SHOC2: variants seen among roughly 807,000 people sequenced by gnomAD.
SHOC2 encodes the protein leucine-rich repeat protein SHOC-2.
Under a neutral mutation model 50.2 loss-of-function variants are expected in SHOC2, and 4 were observed. That is an observed-to-expected ratio of 0.08 (90% CI 0.04 to 0.18). The LOEUF (loss-of-function observed/expected upper bound fraction) is 0.18, where lower values mean the gene tolerates loss of function less well. Ranked by LOEUF, SHOC2 falls within the 10% of genes least tolerant of loss-of-function variation. The probability of loss-of-function intolerance (pLI) is 1.00; values close to 1 mark genes in which losing one functional copy is unlikely to be tolerated. For synonymous variants in SHOC2, 218 were observed against 244.5 expected, an observed-to-expected ratio of 0.89 and a Z score of 1.01; for missense variants, 388 against 669.6, an observed-to-expected ratio of 0.58 and a Z score of 4.64.
intron 2 of SHOC2, among the ~76,000 whole-genome samples, chr10:110,975,324 T>C (rs553308260): frequency 6.6e-6 from 1 of 152,124 alleles, no homozygotes; most frequent in African/African-American, 2.4e-5. Context: ...CCCGGCTAAT[T>C]TTTTGTGTTT....
chr10:110,945,650 G>A (rs550671986), intron 1 of SHOC2, among the ~76,000 whole-genome samples: 1 of 152,168 alleles, frequency 6.6e-6, no homozygotes, highest in South Asian at 2.1e-4. Context: ...CACACTGACA[G>A]ACCTCCATGT....
At chr10:110,928,631 T>A (rs934153328) in intron 1 of SHOC2, among the ~76,000 whole-genome samples, 2 of 151,826 alleles carry the variant, frequency 1.3e-5, no homozygotes, top group Non-Finnish European at 2.9e-5. Flanking sequence ...CACAGTAGCT[T>A]ATACCTGTAA....
At chr10:110,926,900 A>C (rs1846787848) in intron 1 of SHOC2, among the ~76,000 whole-genome samples, 1 of 152,208 alleles carries the variant, frequency 6.6e-6, no homozygotes, top group Admixed American at 6.5e-5. Flanking sequence ...ATTATCTGAA[A>C]ATACTGATCA....
At position 110,920,523 on chromosome 10, in the gene SHOC2, TTTTC is replaced by T. The variant is rs576978211; in HGVS notation, c.-235+874_-235+877del. On this transcript the variant is annotated intron_variant, in intron 1 of 8. Transcript: ENST00000369452. ...ATTAACTTGCCTTTCTCTTTATTTC[TTTTC>T]TTTCTTTTTCTTTTCTTCCTTCCTT... Among the ~76,000 whole-genome samples the T allele has an allele frequency of 9.0e-4, 137 of 152,340 alleles. 1 individual carries two copies. Among genetic ancestry groups the T allele is most frequent in the East Asian group, 2.9e-3 (15 of 5,190 alleles).
At chr10:110,929,775 A>G in intron 1 of SHOC2, among the ~76,000 whole-genome samples, 1 of 152,188 alleles carries the variant, frequency 6.6e-6, no homozygotes, top group East Asian at 1.9e-4. Context: ...CCATCTTCAA[A>G]TACCATCACA....
At chr10:110,950,782 A>T (rs191528585) in intron 1 of SHOC2, among the ~76,000 whole-genome samples, 2 of 152,318 alleles carry the variant, frequency 1.3e-5, no homozygotes, top group African/African-American at 4.8e-5. Flanking sequence ...TCTTCAATAA[A>T]TGGTGTTGGA....
At chr10:110,996,513 G>C (rs772333802) in intron 3 of SHOC2, among the ~76,000 whole-genome samples, 2 of 151,514 alleles carry the variant, frequency 1.3e-5, no homozygotes, top group African/African-American at 4.9e-5. Context: ...GGGCGACAGA[G>C]TCAGACTCTG....
At chr10:110,990,106 T>C (rs963843214) in intron 3 of SHOC2, among the ~76,000 whole-genome samples, 2 of 152,274 alleles carry the variant, frequency 1.3e-5, no homozygotes, top group Non-Finnish European at 2.9e-5. Flanking sequence ...TCCAAATTCT[T>C]AGTCTTAGAA....
chr10:110,942,426 C>T (rs866821176), intron 1 of SHOC2, among the ~76,000 whole-genome samples: 1 of 152,174 alleles, frequency 6.6e-6, no homozygotes, highest in African/African-American at 2.4e-5. Flanking sequence ...TAGCTCACTA[C>T]AGCCTCTAAC....
At chr10:110,937,034 A>G (rs746309763) in intron 1 of SHOC2, 8 of 1,485,024 alleles carry the variant, frequency 5.4e-6, no homozygotes, top group South Asian at 1.1e-5. Flanking sequence ...GGGGCGTCGG[A>G]AAGGGTTGGT....
intron 3 of SHOC2, among the ~76,000 whole-genome samples, chr10:110,988,725 T>TTG (rs1848126606): frequency 6.6e-6 from 1 of 152,148 alleles, no homozygotes; most frequent in East Asian, 1.9e-4. Context: ...TGAGTTTTAT[T>TTG]TGTTCTTTTT....
At chr10:110,958,838 C>G (rs1847519432) in intron 1 of SHOC2, among the ~76,000 whole-genome samples, 1 of 152,026 alleles carries the variant, frequency 6.6e-6, no homozygotes, top group African/African-American at 2.4e-5. Flanking sequence ...CTGTTCATCC[C>G]CAACTGCTTT....
intron 1 of SHOC2, among the ~76,000 whole-genome samples, chr10:110,930,423 T>A (rs1252047874): frequency 1.3e-5 from 2 of 152,246 alleles, no homozygotes; most frequent in East Asian, 3.9e-4. Flanking sequence ...ATAGACTTAG[T>A]GAAGAAATAT....
intron 2 of SHOC2, among the ~76,000 whole-genome samples, chr10:110,984,626 T>C (rs939314592): frequency 3.9e-5 from 6 of 152,188 alleles, no homozygotes; most frequent in African/African-American, 1.4e-4. Flanking sequence ...CCTTAAAAAA[T>C]AATAATAAAT....
chr10:110,966,895 G>A (rs1297928742), intron 2 of SHOC2, among the ~76,000 whole-genome samples: 1 of 152,076 alleles, frequency 6.6e-6, no homozygotes, highest in East Asian at 1.9e-4. Context: ...TTCATTCTAA[G>A]CAGGGCATCA....
intron 1 of SHOC2, among the ~76,000 whole-genome samples, chr10:110,954,197 AT>A (rs1298057645): frequency 6.6e-6 from 1 of 151,736 alleles, no homozygotes; most frequent in African/African-American, 2.4e-5. Flanking sequence ...AATATTACAA[AT>A]TTAATTTCTT....
intron 1 of SHOC2, among the ~76,000 whole-genome samples, chr10:110,962,411 T>C (rs953191077): frequency 1.3e-5 from 2 of 152,226 alleles, no homozygotes; most frequent in African/African-American, 4.8e-5. Context: ...ATTTTCTGAA[T>C]CAGTATCTCT....
intron 1 of SHOC2, among the ~76,000 whole-genome samples, chr10:110,934,179 A>G (rs899789817): frequency 6.6e-6 from 1 of 152,220 alleles, no homozygotes; most frequent in Non-Finnish European, 1.5e-5. Flanking sequence ...TAAAATGCAT[A>G]TTAGTTTGGA....
At chr10:110,932,051 C>T (rs34040476) in intron 1 of SHOC2, among the ~76,000 whole-genome samples, 4,766 of 152,212 alleles carry the variant, frequency 0.031, 113 homozygotes, top group Middle Eastern at 0.079. Flanking sequence ...CCTTCCCAGA[C>T]CTCTAAGCTG....
Sources: gnomAD v4.1 joint callset for allele counts (sites outside exome capture counted in the v4.1 genomes callset) on GRCh38, gnomAD v4.1.1 for gene constraint, MANE v1.5 for transcripts, NCBI Gene and HGNC (gene_info 2026-07-23, HGNC 2026-07-21) for gene names.